PCDHA6: variants seen among roughly 807,000 people sequenced by gnomAD.
PCDHA6 encodes protocadherin alpha-6.
In PCDHA6, 55 loss-of-function variants were observed where a neutral mutation model predicts 60.3. The observed-to-expected ratio is 0.91, with a 90% confidence interval of 0.73 to 1.14. The LOEUF is 1.14. Ranked by LOEUF, PCDHA6 falls within the 50% of genes most tolerant of loss-of-function variation. PCDHA6 has a pLI of 0.00. For missense variants in PCDHA6, 1,327 were observed against 1,256.5 expected (o/e 1.06, Z -0.85); for synonymous variants, 652 against 557.9 (o/e 1.17, Z -2.38).
At chr5:140,858,089 G>T in intron 1 of PCDHA6, 2 of 1,597,872 alleles carry the variant, frequency 1.3e-6, no homozygotes, top group East Asian at 2.2e-5. Flanking sequence ...CTCGTCGCGG[G>T]CTTCAGTGGG....
At chr5:140,857,683 C>A in intron 1 of PCDHA6, 1 of 1,597,084 alleles carries the variant, frequency 6.3e-7, no homozygotes, top group East Asian at 2.2e-5. Context: ...CGCCTCTGGG[C>A]AGCAACTTGA....
intron 1 of PCDHA6, chr5:140,851,974 C>T: frequency 3.1e-6 from 3 of 976,536 alleles, no homozygotes; most frequent in Non-Finnish European, 3.7e-6. Flanking sequence ...CACACTCTAC[C>T]TTTAGTGCAA....
chr5:141,011,247 G>A lies in PCDHA6; in HGVS notation c.*1310G>A, dbSNP rs1554263390. On this transcript the variant is annotated 3_prime_UTR_variant, in exon 4 of 4. Transcript: ENST00000529310. The stretch of plus-strand genomic sequence containing the variant: ...TCTACTAATTCTGTGACTTGTCTTG[G>A]TGTGCTAGCCTACACCTTCTCTTTG... The A allele has an allele frequency of 2.0e-5, 3 of 153,772 alleles. No individual in the cohort carries two copies. The highest frequency in any genetic ancestry group is 7.2e-5 in the African/African-American group (3 of 41,538). The allele number at this position is 153,772 out of a possible 1,614,324, so 9.5% of individuals were successfully genotyped here.
At chr5:140,875,265 T>G in intron 1 of PCDHA6, 1 of 1,201,060 alleles carries the variant, frequency 8.3e-7, no homozygotes, top group Non-Finnish European at 1.1e-6. Context: ...GATGTCGCTC[T>G]ACACTCAGAA....
At chr5:140,982,409 G>A (rs1554244106) in intron 2 of PCDHA6, 66 bp from the exon 3 acceptor site, 20 of 1,608,038 alleles carry the variant, frequency 1.2e-5, no homozygotes, top group Non-Finnish European at 1.6e-5. Flanking sequence ...CAATTTCTGA[G>A]GGTGGAAGAA....
intron 1 of PCDHA6, chr5:140,835,868 G>A (rs1454077301): frequency 6.2e-7 from 1 of 1,612,002 alleles, no homozygotes; most frequent in African/African-American, 1.3e-5. Flanking sequence ...ACTCGCTGGT[G>A]GAGCTGCGGG....
At chr5:141,003,158 A>G (rs902811266) in intron 3 of PCDHA6, among the ~76,000 whole-genome samples, 4 of 152,222 alleles carry the variant, frequency 2.6e-5, no homozygotes, top group Non-Finnish European at 5.9e-5. Context: ...GACCTGATCA[A>G]TCCTAGTCCC....
Position 141,009,722 on chromosome 5 carries a change from G to A in PCDHA6, c.2638G>A (p.Gly880Ser), listed in dbSNP as rs552954748. ...KYGPGNPKQSGPGELPDKFII... is the reference protein window; with the variant it reads ...KYGPGNPKQSSPGELPDKFII... ...CGGACCAGGCAACCCCAAACAATCC[G>A]GTCCCGGTGAGTTGCCCGACAAATT... The change falls in exon 4 of 4, where the codon GGT (glycine) becomes AGT (serine). Residue 880 changes from glycine (G) to serine (S), a missense_variant. Gly to Ser is a moderately conservative substitution (Grantham distance 56). Transcript: ENST00000529310. 5.2e-5 allele frequency: 84 copies of A among 1,614,140 alleles called. No homozygotes were observed. The South Asian group carries it at 6.7e-4, about 13-fold the overall frequency.
At chr5:140,857,067 T>G (rs1245365064) in intron 1 of PCDHA6, 2 of 1,596,142 alleles carry the variant, frequency 1.3e-6, no homozygotes, top group East Asian at 2.2e-5. Context: ...GTGGAACTAC[T>G]GGATGAAAAT....
At chr5:140,963,611 A>C (rs955529183) in intron 1 of PCDHA6, among the ~76,000 whole-genome samples, 1 of 152,208 alleles carries the variant, frequency 6.6e-6, no homozygotes, top group Admixed American at 6.5e-5. Context: ...TAATTGGGAA[A>C]GCTTAACTTT....
intron 1 of PCDHA6, among the ~76,000 whole-genome samples, chr5:140,881,030 A>G (rs959156727): frequency 6.6e-6 from 1 of 152,234 alleles, no homozygotes; most frequent in Non-Finnish European, 1.5e-5. Flanking sequence ...CCCAACAGTC[A>G]TTTCCTATAG....
chr5:140,884,967 G>A (rs895578956), intron 1 of PCDHA6, among the ~76,000 whole-genome samples: 2 of 152,134 alleles, frequency 1.3e-5, no homozygotes, highest in African/African-American at 4.8e-5. Context: ...CTCACGTTGT[G>A]AGAACTTAAA....
chr5:140,920,632 T>C (rs1054888668), intron 1 of PCDHA6, among the ~76,000 whole-genome samples: 2 of 152,018 alleles, frequency 1.3e-5, no homozygotes, highest in Non-Finnish European at 2.9e-5. Context: ...GATCACAAGG[T>C]CAAGAGATTG....
At chr5:140,991,417 C>G (rs782178829) in intron 3 of PCDHA6, among the ~76,000 whole-genome samples, 79 of 152,196 alleles carry the variant, frequency 5.2e-4, no homozygotes, top group Admixed American at 1.5e-3. Context: ...TATGCTATAA[C>G]AAATTAACCA....
At chr5:140,981,583 T>TA (rs2096939530) in intron 2 of PCDHA6, among the ~76,000 whole-genome samples, 1 of 152,098 alleles carries the variant, frequency 6.6e-6, no homozygotes, top group Non-Finnish European at 1.5e-5. Flanking sequence ...CAAAAATAAA[T>TA]AAAATAAAAC....
chr5:140,985,650 A>G (rs2097162504), intron 3 of PCDHA6, among the ~76,000 whole-genome samples: 2 of 151,684 alleles, frequency 1.3e-5, no homozygotes, highest in South Asian at 4.2e-4. Context: ...AACACTTGCA[A>G]TGGCTGAATA....
intron 1 of PCDHA6, among the ~76,000 whole-genome samples, chr5:140,889,562 T>C (rs2062274153): frequency 6.6e-6 from 1 of 152,224 alleles, no homozygotes; most frequent in Non-Finnish European, 1.5e-5. Flanking sequence ...TTCAGAATTC[T>C]GCTTTCTGAT....
intron 1 of PCDHA6, among the ~76,000 whole-genome samples, chr5:140,899,599 C>G (rs535938234): frequency 2.0e-5 from 3 of 152,232 alleles, no homozygotes; most frequent in South Asian, 4.2e-4. Context: ...TTATTGAGGA[C>G]TTTTGCATCA....
chr5:140,968,091 C>T lies in PCDHA6; in HGVS notation c.2395-10858C>T, dbSNP rs782079016. 1.4e-5 allele frequency: 22 copies of T among 1,614,128 alleles called. No individual in the cohort carries two copies. Among genetic ancestry groups the T allele is most frequent in the Non-Finnish European group, 1.9e-5 (22 of 1,180,016 alleles). On this transcript the variant is annotated intron_variant, in intron 1 of 3. Coordinates refer to ENST00000529310, the MANE Select transcript of PCDHA6 (RefSeq NM_018909.4). ...GTCTACAACATCACGGTGACAGCCA[C>T]AGATGGGGGAATACCGCAGCTCACA...
Sources: gnomAD v4.1 joint callset for allele counts (sites outside exome capture counted in the v4.1 genomes callset) on GRCh38, gnomAD v4.1.1 for gene constraint, MANE v1.5 for transcripts, NCBI Gene and HGNC (gene_info 2026-07-23, HGNC 2026-07-21) for gene names.